MLLT3: variants seen among roughly 807,000 people sequenced by gnomAD.
MLLT3 encodes MLLT3 super elongation complex subunit, also known as protein AF-9.
Under a neutral mutation model 53.2 loss-of-function variants are expected in MLLT3, and 4 were observed. The observed-to-expected ratio is 0.08, with a 90% confidence interval of 0.04 to 0.17. The LOEUF is 0.17. Among genes scored for constraint, MLLT3 ranks in the 10% least tolerant of loss-of-function variants. MLLT3 has a pLI of 1.00. For synonymous variants in MLLT3, 283 were observed against 230.6 expected (o/e 1.23, Z -2.06); for missense variants, 569 against 684.0 (o/e 0.83, Z 1.87).
intron 5 of MLLT3, among the ~76,000 whole-genome samples, chr9:20,387,592 T>C (rs1822071402): frequency 6.6e-6 from 1 of 152,236 alleles, no homozygotes; most frequent in South Asian, 2.1e-4. Context: ...CTGACCTTGT[T>C]GTCCAAGTTT....
chr9:20,575,616 C>T (rs748647435), intron 2 of MLLT3, among the ~76,000 whole-genome samples: 7 of 152,118 alleles, frequency 4.6e-5, no homozygotes, highest in East Asian at 1.9e-4. Flanking sequence ...GTATCTCCAT[C>T]GAGCTCTTGG....
intron 4 of MLLT3, among the ~76,000 whole-genome samples, chr9:20,416,801 A>G (rs940806824): frequency 3.3e-5 from 5 of 152,300 alleles, no homozygotes; most frequent in Admixed American, 2.0e-4. Flanking sequence ...AACACATTCC[A>G]TAACAATGTC....
At chr9:20,580,623 G>C (rs1313208595) in intron 2 of MLLT3, among the ~76,000 whole-genome samples, 1 of 152,162 alleles carries the variant, frequency 6.6e-6, no homozygotes, top group African/African-American at 2.4e-5. Flanking sequence ...TAATCAAAAA[G>C]TGACTAGGGA....
chr9:20,602,056 A>G (rs564188446), intron 2 of MLLT3, among the ~76,000 whole-genome samples: 1 of 152,322 alleles, frequency 6.6e-6, no homozygotes, highest in South Asian at 2.1e-4. Flanking sequence ...ACACAAAGAT[A>G]TAATCCCAGA....
At chr9:20,541,247 A>C (rs1470337604) in intron 2 of MLLT3, among the ~76,000 whole-genome samples, 1 of 152,164 alleles carries the variant, frequency 6.6e-6, no homozygotes, top group Non-Finnish European at 1.5e-5. Context: ...ATCTTCCTGT[A>C]TTCTTCTGAG....
At chr9:20,444,179 A>T (rs1031190802) in intron 4 of MLLT3, among the ~76,000 whole-genome samples, 13 of 152,194 alleles carry the variant, frequency 8.5e-5, no homozygotes, top group African/African-American at 2.9e-4. Flanking sequence ...GGGAATAGAG[A>T]GAAAATTATC....
At chr9:20,546,279 CCA>C (rs1383076238) in intron 2 of MLLT3, among the ~76,000 whole-genome samples, 3 of 152,032 alleles carry the variant, frequency 2.0e-5, no homozygotes, top group Non-Finnish European at 4.4e-5. Context: ...TTTCCCATTG[CCA>C]CTTAAAAAAT....
At chr9:20,497,797 T>C (rs1825116070) in intron 2 of MLLT3, among the ~76,000 whole-genome samples, 1 of 152,196 alleles carries the variant, frequency 6.6e-6, no homozygotes, top group Admixed American at 6.5e-5. Flanking sequence ...TATGGATATA[T>C]ACTTTCAATT....
At chr9:20,510,744 T>C (rs1400245925) in intron 2 of MLLT3, among the ~76,000 whole-genome samples, 1 of 152,048 alleles carries the variant, frequency 6.6e-6, no homozygotes, top group Admixed American at 6.6e-5. Flanking sequence ...GTTTCTACAA[T>C]CTTCCAGAAA....
chr9:20,572,569 G>GA (rs1267167399), intron 2 of MLLT3, among the ~76,000 whole-genome samples: 11 of 152,156 alleles, frequency 7.2e-5, no homozygotes, highest in African/African-American at 2.7e-4. Flanking sequence ...CGAGGCAGGC[G>GA]AATCACTTGA....
chr9:20,529,525 T>G (rs1818278277), intron 2 of MLLT3, among the ~76,000 whole-genome samples: 1 of 152,162 alleles, frequency 6.6e-6, no homozygotes, highest in Non-Finnish European at 1.5e-5. Context: ...AACCGCCAGT[T>G]AGTTCATTTA....
intron 2 of MLLT3, among the ~76,000 whole-genome samples, chr9:20,587,343 GC>G (rs35966891): frequency 0.031 from 4,662 of 152,024 alleles, 178 homozygotes; most frequent in East Asian, 0.14. Flanking sequence ...GGTAGGAGAA[GC>G]CCATCTGTCT....
chr9:20,532,537 C>A, intron 2 of MLLT3: 1 of 219,846 alleles, frequency 4.5e-6, no homozygotes, highest in South Asian at 1.3e-4. Flanking sequence ...TTGCTCTCTC[C>A]TTCCGCCACC....
intron 2 of MLLT3, among the ~76,000 whole-genome samples, chr9:20,550,328 T>C (rs536208989): frequency 1.3e-5 from 2 of 152,352 alleles, no homozygotes; most frequent in African/African-American, 4.8e-5. Flanking sequence ...CAGAGATGTG[T>C]ATTTCACCCT....
chr9:20,594,394 AC>A lies in MLLT3; in HGVS notation c.193+26259del, dbSNP rs368321681. Among the ~76,000 whole-genome samples, 10 of 152,166 alleles carry A rather than the reference AC, an allele frequency of 6.6e-5. No homozygotes were observed. The South Asian group carries it at 1.9e-3, about 29-fold the overall frequency. ...GACCCTAATAGGCAGGAATATTATC[AC>A]CTCTATTCAGCCTGAAGAAGTTACA... On this transcript the variant is annotated intron_variant, in intron 2 of 10. Transcript: ENST00000380338.
intron 4 of MLLT3, chr9:20,415,466 A>G: frequency 1.0e-6 from 1 of 969,596 alleles, no homozygotes; most frequent in Non-Finnish European, 1.2e-6. Context: ...ATTAATAGTA[A>G]GAATAAGAAA....
chr9:20,451,024 A>C (rs1197948942), intron 3 of MLLT3, among the ~76,000 whole-genome samples: 2 of 152,206 alleles, frequency 1.3e-5, no homozygotes, highest in Admixed American at 6.5e-5. Flanking sequence ...TATACTATTA[A>C]ATGTTCATGG....
chr9:20,401,950 T>C (rs557330983), intron 5 of MLLT3, among the ~76,000 whole-genome samples: 14 of 152,286 alleles, frequency 9.2e-5, no homozygotes, highest in African/African-American at 2.9e-4. Context: ...AATTGTCCAG[T>C]TGGTAGCTTT....
chr9:20,359,145 C>CAAAAAAAAAAAAAA (rs920197622), intron 8 of MLLT3, among the ~76,000 whole-genome samples: 1 of 20,982 alleles, frequency 4.8e-5, no homozygotes, highest in African/African-American at 1.6e-4. Flanking sequence ...AACTCCATCT[C>CAAAAAAAAAAAAAA]AAAAAAAAAA....
Sources: allele counts gnomAD v4.1 joint callset (sites outside exome capture counted in the v4.1 genomes callset), GRCh38; gene constraint gnomAD v4.1.1; transcripts MANE v1.5; gene names NCBI Gene and HGNC (gene_info 2026-07-23, HGNC 2026-07-21).